The following FAM81A variants were observed in gnomAD, a reference collection of about 807,000 sequenced individuals.
FAM81A encodes protein FAM81A.
Under a neutral mutation model 46.7 loss-of-function variants are expected in FAM81A, and 19 were observed. That is an observed-to-expected ratio of 0.41 (90% CI 0.28 to 0.60). The LOEUF (loss-of-function observed/expected upper bound fraction) is 0.60. Among genes scored for constraint, FAM81A ranks in the 20% least tolerant of loss-of-function variants. FAM81A has a pLI of 0.34. For missense variants in FAM81A, 377 were observed against 453.5 expected (o/e 0.83, Z 1.53); for synonymous variants, 183 against 152.9 (o/e 1.20, Z -1.45).
intron 6 of FAM81A, among the ~76,000 whole-genome samples, chr15:59,510,516 G>T (rs1304043273): frequency 6.6e-6 from 1 of 151,994 alleles, no homozygotes; most frequent in Non-Finnish European, 1.5e-5. Flanking sequence ...GACCAATGCT[G>T]ATTTCTCAGC....
chr15:59,508,170 A>G (rs1241694779), intron 5 of FAM81A, among the ~76,000 whole-genome samples: 1 of 152,254 alleles, frequency 6.6e-6, no homozygotes, highest in African/African-American at 2.4e-5. Context: ...ACACCAGAGA[A>G]GAGATGTTAA....
At chr15:59,503,264 C>T (rs1567073172) in intron 4 of FAM81A, among the ~76,000 whole-genome samples, 1 of 148,154 alleles carries the variant, frequency 6.7e-6, no homozygotes, top group Non-Finnish European at 1.5e-5. Context: ...AAAAGCCTTA[C>T]CACCTCTTGG....
At position 59,440,052 on chromosome 15, in the gene FAM81A, A is replaced by G. The variant is rs1323703901; in HGVS notation, c.-78+1770A>G. On this transcript the variant is annotated intron_variant, in intron 1 of 8. Coordinates refer to ENST00000288228, the MANE Select transcript of FAM81A (RefSeq NM_152450.3). Reference sequence around the variant, plus strand: ...CCTCCACCGTCTCACCAGAGTAGGGATGCTCTTCCGCTTCTCCTTAGTGCT... The same window carrying G: ...CCTCCACCGTCTCACCAGAGTAGGGGTGCTCTTCCGCTTCTCCTTAGTGCT... 3 of 152,160 alleles carry G rather than the reference A, an allele frequency of 2.0e-5. 1 individual carries two copies. The highest frequency in any genetic ancestry group is 2.0e-4 in the Admixed American group (3 of 15,258). The allele number at this position is 152,160 out of a possible 1,614,324, so 9.4% of individuals were successfully genotyped here. A position where few individuals can be genotyped will look rare whatever the true frequency, so the allele number is the denominator to read the frequency against.
chr15:59,421,789 A>ACC lies in FAM81A; in HGVS notation c.-78+19431_-78+19432insCC, dbSNP rs1274774598. 4.5e-4 allele frequency among the ~76,000 whole-genome samples: 65 copies of ACC among 145,930 alleles called. No individual in the cohort carries two copies. In the East Asian group the frequency reaches 5.3e-3, roughly 12 times the overall value. ...TATCTATCTATCTATCTATCTATCT[A>ACC]TCTACCTACCTAACTACCTACCAAA... On this transcript the variant is annotated intron_variant, in intron 2 of 4. Coordinates refer to the FAM81A transcript ENST00000558348.
At chr15:59,496,888 G>A (rs2082039696) in intron 4 of FAM81A, among the ~76,000 whole-genome samples, 1 of 152,130 alleles carries the variant, frequency 6.6e-6, no homozygotes, top group South Asian at 2.1e-4. Context: ...CACTTTGGGA[G>A]GCCAAGGCGG....
At chr15:59,422,661 A>G (rs2081179192) in intron 2 of FAM81A, among the ~76,000 whole-genome samples, 1 of 152,010 alleles carries the variant, frequency 6.6e-6, no homozygotes, top group Non-Finnish European at 1.5e-5. Context: ...GAATTTTAGT[A>G]GAGACGGGGT....
intron 3 of FAM81A, among the ~76,000 whole-genome samples, chr15:59,476,204 G>A (rs560151492): frequency 5.9e-5 from 9 of 151,924 alleles, no homozygotes; most frequent in Non-Finnish European, 1.0e-4. Flanking sequence ...ATCACATCAA[G>A]GGTTAGGAGT....
intron 4 of FAM81A, among the ~76,000 whole-genome samples, chr15:59,499,038 T>G (rs1285017343): frequency 1.3e-5 from 2 of 152,220 alleles, no homozygotes; most frequent in Non-Finnish European, 2.9e-5. Flanking sequence ...GTTTCCTAGT[T>G]TGTTGGCTGT....
intron 4 of FAM81A, among the ~76,000 whole-genome samples, chr15:59,503,310 A>G (rs1479859316): frequency 6.6e-6 from 1 of 152,002 alleles, no homozygotes; most frequent in Admixed American, 6.6e-5. Context: ...TAATGTTAAC[A>G]GTCTGTTGTC....
chr15:59,466,673 G>A (rs9744585), intron 3 of FAM81A, among the ~76,000 whole-genome samples: 30,005 of 152,002 alleles, frequency 0.2, 4,350 homozygotes, highest in African/African-American at 0.41. Context: ...TCACTCTGAT[G>A]GTAGTTTCTT....
chr15:59,515,240 T>G (rs1365493538), intron 7 of FAM81A, among the ~76,000 whole-genome samples: 3 of 152,158 alleles, frequency 2.0e-5, no homozygotes, highest in Non-Finnish European at 2.9e-5. Flanking sequence ...TGAGACTCTA[T>G]CTCAAAAAAA....
chr15:59,478,154 G>A (rs1842196374), intron 3 of FAM81A, among the ~76,000 whole-genome samples: 2 of 152,096 alleles, frequency 1.3e-5, no homozygotes, highest in Admixed American at 1.3e-4. Context: ...TCTTTTTATG[G>A]CTTTAGCTGT....
chr15:59,443,090 A>G (rs1407581060), intron 1 of FAM81A, among the ~76,000 whole-genome samples: 1 of 152,054 alleles, frequency 6.6e-6, no homozygotes, highest in African/African-American at 2.4e-5. Context: ...TTATTGTTTT[A>G]TTTTGTTTTT....
At chr15:59,461,248 T>C (rs915166180) in intron 3 of FAM81A, among the ~76,000 whole-genome samples, 1 of 152,198 alleles carries the variant, frequency 6.6e-6, no homozygotes, top group African/African-American at 2.4e-5. Context: ...TTCATATAAA[T>C]GGAAACCTTA....
intron 2 of FAM81A, among the ~76,000 whole-genome samples, chr15:59,408,623 T>A (rs1312437618): frequency 1.3e-5 from 2 of 152,136 alleles, no homozygotes; most frequent in Non-Finnish European, 2.9e-5. Flanking sequence ...GGTCAGGAGA[T>A]AGAGACCATC....
chr15:59,499,056 A>G (rs1407978221), intron 4 of FAM81A, among the ~76,000 whole-genome samples: 2 of 152,142 alleles, frequency 1.3e-5, no homozygotes, highest in East Asian at 1.9e-4. Context: ...TGTTTTTATC[A>G]TGAAGGGGAT....
chr15:59,485,156 C>G (rs544622542), intron 3 of FAM81A, among the ~76,000 whole-genome samples: 1 of 152,188 alleles, frequency 6.6e-6, no homozygotes, highest in South Asian at 2.1e-4. Flanking sequence ...ACCTGGACAG[C>G]CTCTCTGGAC....
At chr15:59,409,342 T>C (rs1325839117) in intron 2 of FAM81A, among the ~76,000 whole-genome samples, 2 of 152,176 alleles carry the variant, frequency 1.3e-5, no homozygotes, top group Non-Finnish European at 2.9e-5. Flanking sequence ...ATTGGTCTCC[T>C]TTCTTCCCTG....
At chr15:59,456,835 A>C (rs8043466) in intron 1 of FAM81A, among the ~76,000 whole-genome samples, 121,840 of 152,154 alleles carry the variant, frequency 0.8, 48,992 homozygotes, top group African/African-American at 0.86. Context: ...GCAATCCTCC[A>C]ACTTTGGCCT....
Sources: allele counts gnomAD v4.1 joint callset (sites outside exome capture counted in the v4.1 genomes callset), GRCh38; gene constraint gnomAD v4.1.1; transcripts MANE v1.5; gene names NCBI Gene and HGNC (gene_info 2026-07-23, HGNC 2026-07-21).